Variants in C12orf42 observed in about 807,000 individuals in gnomAD.
The protein encoded by C12orf42 is uncharacterized protein C12orf42.
In C12orf42, 25 loss-of-function variants were observed where a neutral mutation model predicts 21.6. The observed-to-expected ratio is 1.16, with a 90% CI of 0.84 to 1.62. The LOEUF (loss-of-function observed/expected upper bound fraction) is 1.62, where lower values mean the gene tolerates loss of function less well. C12orf42 is among the 40% of genes most tolerant of loss of function. C12orf42 has a pLI of 0.00. For missense variants in C12orf42, 483 were observed against 459.3 expected, an observed-to-expected ratio of 1.05 and a Z score of -0.47; for synonymous variants, 174 against 175.0, an observed-to-expected ratio of 0.99 and a Z score of 0.05.
At chr12:103,402,182 A>G (rs1185281578) in intron 2 of C12orf42, among the ~76,000 whole-genome samples, 2 of 152,198 alleles carry the variant, frequency 1.3e-5, no homozygotes, top group Non-Finnish European at 2.9e-5. Context: ...CTTGGCACGT[A>G]GAATTATCAT....
At chr12:103,520,038 G>A in the C12orf42 span, among the ~76,000 whole-genome samples, 3 of 152,186 alleles carry the variant, frequency 2.0e-5, no homozygotes, top group African/African-American at 7.2e-5. Context: ...AGCGGCCACA[G>A]GCATTCCTCA....
the C12orf42 span, among the ~76,000 whole-genome samples, chr12:103,207,781 C>T: frequency 1.3e-5 from 2 of 152,146 alleles, no homozygotes; most frequent in Non-Finnish European, 2.9e-5. Flanking sequence ...CATATCTGAT[C>T]CATCTTCTTG....
the C12orf42 span, among the ~76,000 whole-genome samples, chr12:103,158,337 A>G: frequency 1.3e-5 from 2 of 152,108 alleles, no homozygotes; most frequent in African/African-American, 4.8e-5. Flanking sequence ...TTCTCACAAA[A>G]ATGCCAGTTC....
chr12:103,150,758 A>G, the C12orf42 span, among the ~76,000 whole-genome samples: 4 of 152,226 alleles, frequency 2.6e-5, no homozygotes, highest in African/African-American at 9.6e-5. Flanking sequence ...AATATAAAAA[A>G]ATACTGGAAT....
the C12orf42 span, among the ~76,000 whole-genome samples, chr12:103,142,452 C>T: frequency 2.6e-5 from 4 of 152,092 alleles, no homozygotes; most frequent in East Asian, 7.7e-4. Flanking sequence ...AATGTTTTAC[C>T]CCAGTCAAAT....
chr12:103,477,734 T>A (rs1360755416), intron 2 of C12orf42, among the ~76,000 whole-genome samples: 2 of 152,076 alleles, frequency 1.3e-5, no homozygotes, highest in Non-Finnish European at 2.9e-5. Context: ...AAACAGAATC[T>A]CCTCTAAAGT....
chr12:103,536,729 T>C, the C12orf42 span, among the ~76,000 whole-genome samples: 2 of 152,086 alleles, frequency 1.3e-5, no homozygotes, highest in Non-Finnish European at 2.9e-5. Flanking sequence ...CCTTTCTCCT[T>C]TTCTCCCTTT....
chr12:103,094,350 C>G, the C12orf42 span, among the ~76,000 whole-genome samples: 3 of 152,174 alleles, frequency 2.0e-5, no homozygotes, highest in African/African-American at 7.2e-5. Flanking sequence ...GGTATCAAAA[C>G]CAATCTTACC....
intron 3 of C12orf42, among the ~76,000 whole-genome samples, chr12:103,390,353 G>A (rs897646084): frequency 1.2e-4 from 18 of 152,018 alleles, no homozygotes; most frequent in East Asian, 1.2e-3. Flanking sequence ...TATAATTAAC[G>A]GATATTACGT....
chr12:103,258,390 T>C (rs2034718110), intron 10 of C12orf42, among the ~76,000 whole-genome samples: 1 of 152,006 alleles, frequency 6.6e-6, no homozygotes, highest in Non-Finnish European at 1.5e-5. Flanking sequence ...TAATTAATAA[T>C]GAAGCATTCA....
chr12:103,196,413 G>T, the C12orf42 span, among the ~76,000 whole-genome samples: 1 of 152,154 alleles, frequency 6.6e-6, no homozygotes, highest in Non-Finnish European at 1.5e-5. Flanking sequence ...ATATTCTGTT[G>T]TTGTTGGGCA....
the C12orf42 span, among the ~76,000 whole-genome samples, chr12:103,222,916 G>T: frequency 1.3e-5 from 2 of 149,918 alleles, no homozygotes; most frequent in Admixed American, 6.8e-5. Flanking sequence ...ATCTTGCTCT[G>T]TTATTTCTCT....
At chr12:103,443,153 G>A (rs1305339944) in intron 2 of C12orf42, among the ~76,000 whole-genome samples, 1 of 152,092 alleles carries the variant, frequency 6.6e-6, no homozygotes, top group African/African-American at 2.4e-5. Flanking sequence ...CACCTACACA[G>A]AGAATGTTAA....
chr12:103,554,689 G>A, the C12orf42 span, among the ~76,000 whole-genome samples: 1 of 152,140 alleles, frequency 6.6e-6, no homozygotes. Context: ...GGGGAAACAG[G>A]CACATTTTCA....
chr12:103,239,734 A>C (rs1476968721), intron 10 of C12orf42, among the ~76,000 whole-genome samples: 5 of 152,172 alleles, frequency 3.3e-5, no homozygotes, highest in African/African-American at 1.2e-4. Flanking sequence ...GTGGGTGTGC[A>C]TGAATAGGTA....
the C12orf42 span, among the ~76,000 whole-genome samples, chr12:103,174,760 C>A: frequency 6.6e-6 from 1 of 152,106 alleles, no homozygotes; most frequent in Non-Finnish European, 1.5e-5. Flanking sequence ...AAATTCATAT[C>A]TTCTAACAGT....
intron 2 of C12orf42, among the ~76,000 whole-genome samples, chr12:103,477,176 A>C (rs567072475): frequency 6.6e-6 from 1 of 152,186 alleles, no homozygotes; most frequent in East Asian, 1.9e-4. Context: ...GCCACAGAGG[A>C]GTGGGAAGTG....
intron 4 of C12orf42, among the ~76,000 whole-genome samples, chr12:103,308,662 G>T (rs201409461): frequency 1.3e-5 from 2 of 152,200 alleles, no homozygotes; most frequent in Non-Finnish European, 2.9e-5. Flanking sequence ...TTGCAGGAAG[G>T]CATTGGGCCT....
intron 4 of C12orf42, among the ~76,000 whole-genome samples, chr12:103,293,505 A>G (rs1167516613): frequency 6.6e-6 from 1 of 152,130 alleles, no homozygotes; most frequent in African/African-American, 2.4e-5. Context: ...TCCAAAATCA[A>G]GTTCAAATTC....
Sources: allele counts gnomAD v4.1 joint callset (sites outside exome capture counted in the v4.1 genomes callset), GRCh38; gene constraint gnomAD v4.1.1; transcripts MANE v1.5; gene names NCBI Gene and HGNC (gene_info 2026-07-23, HGNC 2026-07-21).